The following OTUD7A variants were observed in gnomAD, a reference collection of about 807,000 sequenced individuals.
OTUD7A encodes the protein OTU domain-containing protein 7A.
In OTUD7A, 12 loss-of-function variants were observed where a neutral mutation model predicts 65.7. The observed-to-expected ratio is 0.18, with a 90% CI of 0.12 to 0.30. The LOEUF is 0.30. Ranked by LOEUF, OTUD7A falls within the 10% of genes least tolerant of loss-of-function variation. The pLI, the probability that OTUD7A is intolerant of heterozygous loss-of-function variation, is 1.00. For synonymous variants in OTUD7A, 641 were observed against 586.3 expected, an observed-to-expected ratio of 1.09 and a Z score of -1.35; for missense variants, 1,148 against 1,304.8, an observed-to-expected ratio of 0.88 and a Z score of 1.85.
At chr15:31,543,492 T>C (rs956204117) in intron 5 of OTUD7A, among the ~76,000 whole-genome samples, 9 of 151,850 alleles carry the variant, frequency 5.9e-5, no homozygotes, top group African/African-American at 1.9e-4. Flanking sequence ...ACATGCAGCT[T>C]GCAAGAGATA....
chr15:31,757,890 T>C (rs868747279), intron 1 of OTUD7A, among the ~76,000 whole-genome samples: 1 of 152,126 alleles, frequency 6.6e-6, no homozygotes, highest in African/African-American at 2.4e-5. Flanking sequence ...ACAAATGAGG[T>C]TGACCCACTG....
rs1409992292 is a variant in OTUD7A at position 31,619,562 on chromosome 15, G to C, written c.151+35534C>G. Among the ~76,000 whole-genome samples, 5 of 47,636 alleles carry C rather than the reference G, an allele frequency of 1.0e-4. No homozygotes were observed. In the African/African-American group the frequency reaches 1.3e-3, roughly 13 times the overall value. 31.3% of individuals were successfully genotyped at this position (47,636 alleles called of 152,430 possible). ...TGAATGGGAGTTCACTCATGATTTG[G>C]CTCTCTGTCTGTTATTGGTGCATAA... On this transcript the variant is annotated intron_variant, in intron 3 of 12. Coordinates refer to ENST00000307050, the MANE Select transcript of OTUD7A (RefSeq NM_001382637.1).
chr15:31,496,378 T>A (rs962229681), intron 10 of OTUD7A, among the ~76,000 whole-genome samples: 1 of 152,054 alleles, frequency 6.6e-6, no homozygotes, highest in South Asian at 2.1e-4. Flanking sequence ...CCTGCCACCA[T>A]GCCCAGTTAA....
chr15:31,585,959 T>G (rs558322243), intron 3 of OTUD7A, among the ~76,000 whole-genome samples: 5 of 152,188 alleles, frequency 3.3e-5, no homozygotes, highest in Admixed American at 2.6e-4. Context: ...ATACCATTCA[T>G]GCAAAATGAC....
chr15:31,688,441 C>A (rs929231180), intron 1 of OTUD7A, among the ~76,000 whole-genome samples: 1 of 151,722 alleles, frequency 6.6e-6, no homozygotes, highest in African/African-American at 2.4e-5. Flanking sequence ...GTCAACATCA[C>A]GAAAGAGAAA....
chr15:31,589,248 C>G (rs1406640877), intron 3 of OTUD7A, among the ~76,000 whole-genome samples: 2 of 151,584 alleles, frequency 1.3e-5, no homozygotes, highest in Non-Finnish European at 2.9e-5. Flanking sequence ...CCTTGGGATT[C>G]TCTTTAAAGA....
intron 1 of OTUD7A, among the ~76,000 whole-genome samples, chr15:31,839,507 A>G (rs78781205): frequency 8.0e-4 from 122 of 152,278 alleles, no homozygotes; most frequent in African/African-American, 2.7e-3. Flanking sequence ...TTGAGGTGGT[A>G]AAACAGTAGA....
intron 3 of OTUD7A, among the ~76,000 whole-genome samples, chr15:31,592,396 C>T (rs921030901): frequency 1.3e-5 from 2 of 151,350 alleles, no homozygotes; most frequent in African/African-American, 4.9e-5. Context: ...AAAAATTAAA[C>T]ATTTTTTCTT....
chr15:31,574,505 G>A (rs974507584), intron 3 of OTUD7A, among the ~76,000 whole-genome samples: 1 of 152,008 alleles, frequency 6.6e-6, no homozygotes, highest in Non-Finnish European at 1.5e-5. Context: ...AGTTTATCAG[G>A]TACACAAGAC....
chr15:31,581,879 T>C (rs1011429993), intron 3 of OTUD7A, among the ~76,000 whole-genome samples: 10 of 152,224 alleles, frequency 6.6e-5, no homozygotes, highest in African/African-American at 2.4e-4. Context: ...CTGGCTTGAG[T>C]TTCCCCCCAG....
chr15:31,791,334 G>C (rs1227415895), intron 1 of OTUD7A, among the ~76,000 whole-genome samples: 1 of 152,122 alleles, frequency 6.6e-6, no homozygotes, highest in Non-Finnish European at 1.5e-5. Flanking sequence ...CCTACTAATA[G>C]TCATCTTAAG....
At chr15:31,765,753 A>G in intron 1 of OTUD7A, 2 of 1,282,514 alleles carry the variant, frequency 1.6e-6, no homozygotes, top group Non-Finnish European at 1.1e-6. Context: ...CTAGTATCTT[A>G]GACTACAGAA....
At chr15:31,796,141 G>A (rs532098810) in intron 1 of OTUD7A, among the ~76,000 whole-genome samples, 83 of 63,664 alleles carry the variant, frequency 1.3e-3, no homozygotes, top group African/African-American at 2.8e-3. Flanking sequence ...AGTAAGGGGT[G>A]CGTGTGTGTG....
chr15:31,574,382 GA>G (rs1270713205), intron 3 of OTUD7A, among the ~76,000 whole-genome samples: 6 of 152,126 alleles, frequency 3.9e-5, no homozygotes, highest in African/African-American at 1.4e-4. Flanking sequence ...ACTATTTAAA[GA>G]AAAGGATTTT....
chr15:31,731,725 T>C (rs1175005916), intron 1 of OTUD7A, among the ~76,000 whole-genome samples: 2 of 152,164 alleles, frequency 1.3e-5, no homozygotes, highest in African/African-American at 2.4e-5. Context: ...TGTCTCAATG[T>C]AGGTTCATCA....
intron 1 of OTUD7A, among the ~76,000 whole-genome samples, chr15:31,814,673 A>T (rs1896504373): frequency 6.6e-6 from 1 of 151,914 alleles, no homozygotes; most frequent in Non-Finnish European, 1.5e-5. Flanking sequence ...ACAGGCATGC[A>T]CCACCACACC....
At chr15:31,592,509 C>T (rs1889756555) in intron 3 of OTUD7A, among the ~76,000 whole-genome samples, 1 of 152,032 alleles carries the variant, frequency 6.6e-6, no homozygotes, top group Non-Finnish European at 1.5e-5. Context: ...CATGGAGCTG[C>T]CATCTCTTAT....
At chr15:31,776,362 T>C (rs1382377638) in intron 1 of OTUD7A, among the ~76,000 whole-genome samples, 1 of 152,214 alleles carries the variant, frequency 6.6e-6, no homozygotes, top group African/African-American at 2.4e-5. Context: ...TTGGGTCTTC[T>C]TGCTCAGTGT....
At chr15:31,870,191 G>A (rs1048501015) in intron 1 of OTUD7A, among the ~76,000 whole-genome samples, 1 of 149,670 alleles carries the variant, frequency 6.7e-6, no homozygotes, top group African/African-American at 2.4e-5. Context: ...AGCGGAGGCA[G>A]CAGCCCCGAC....
Sources: allele counts gnomAD v4.1 joint callset (sites outside exome capture counted in the v4.1 genomes callset), GRCh38; gene constraint gnomAD v4.1.1; transcripts MANE v1.5; gene names NCBI Gene and HGNC (gene_info 2026-07-23, HGNC 2026-07-21).